BEST3: variants seen among roughly 807,000 people sequenced by gnomAD.
BEST3 encodes the protein bestrophin-3.
BEST3 carries 50 observed loss-of-function variants against 47.1 expected under a neutral mutation model. The ratio of observed to expected loss-of-function variants is 1.06; its 90% confidence interval spans 0.85 to 1.34. The LOEUF is 1.34. Ranked by LOEUF, BEST3 falls within the 40% of genes most tolerant of loss-of-function variation. BEST3 has a pLI of 0.00. For synonymous variants in BEST3, 282 were observed against 298.8 expected, an observed-to-expected ratio of 0.94 and a Z score of 0.58; for missense variants, 765 against 817.0, an observed-to-expected ratio of 0.94 and a Z score of 0.78.
downstream of BEST3, among the ~76,000 whole-genome samples, chr12:69,653,248 G>C (rs1979715): frequency 0.15 from 22,498 of 152,176 alleles, 2,146 homozygotes; most frequent in African/African-American, 0.27. Context: ...AAAAGACGCA[G>C]GTAGACTTGA....
chr12:69,643,900 AATGTAAT>A (rs1266036014), intron 9 of BEST3: 3 of 519,122 alleles, frequency 5.8e-6, no homozygotes, highest in Non-Finnish European at 1.1e-5. Context: ...CCACACATTT[AATGTAAT>A]TTCAGTGTTC....
intron 9 of BEST3, among the ~76,000 whole-genome samples, chr12:69,659,840 A>G (rs1401167831): frequency 6.6e-6 from 1 of 152,194 alleles, no homozygotes; most frequent in African/African-American, 2.4e-5. Flanking sequence ...ACGATAGAAT[A>G]AAAGTACCCT....
At chr12:69,697,516 C>A (rs1256938081) in intron 2 of BEST3, 131 bp downstream of exon 2, 4 of 666,804 alleles carry the variant, frequency 6.0e-6, no homozygotes, top group South Asian at 2.5e-5. Flanking sequence ...GGGAAGAAGA[C>A]AAATGAGAGG....
At chr12:69,667,482 G>C (rs1328522853) in intron 9 of BEST3, among the ~76,000 whole-genome samples, 1 of 152,066 alleles carries the variant, frequency 6.6e-6, no homozygotes, top group East Asian at 1.9e-4. Context: ...TTGTAGTAGA[G>C]ACTGGGTTTC....
chr12:69,670,441 C>A, intron 9 of BEST3: 1 of 702,698 alleles, frequency 1.4e-6, no homozygotes, highest in South Asian at 1.5e-5. Flanking sequence ...ACTGAAATTC[C>A]ACTTTCAGTC....
intron 9 of BEST3, among the ~76,000 whole-genome samples, chr12:69,663,267 A>T (rs1469663859): frequency 6.6e-6 from 1 of 152,214 alleles, no homozygotes; most frequent in Non-Finnish European, 1.5e-5. Context: ...ATAGTTCTGG[A>T]CCTTGATTTT....
At position 69,654,366 on chromosome 12, in the gene BEST3, T is replaced by A. The variant is rs1005858307; in HGVS notation, c.*541A>T. 1.0e-6 allele frequency: 1 copy of A among 984,788 alleles called. No homozygotes were observed. Among genetic ancestry groups the A allele is most frequent in the Non-Finnish European group, 1.2e-6 (1 of 829,642 alleles). 61.0% of individuals were successfully genotyped at this position (984,788 alleles called of 1,614,324 possible). A position where few individuals can be genotyped will look rare whatever the true frequency, so the allele number is the denominator to read the frequency against. ...CTGATGAAGCTTAAGAATCAGGAAGTGATAATAACAATAATAGTTATAAAA... is the reference window on the plus strand; with the variant it reads ...CTGATGAAGCTTAAGAATCAGGAAGAGATAATAACAATAATAGTTATAAAA... On this transcript the variant is annotated 3_prime_UTR_variant, in exon 10 of 10. Transcript: ENST00000330891.
intron 9 of BEST3, among the ~76,000 whole-genome samples, chr12:69,663,753 C>T (rs927520045): frequency 1.1e-4 from 16 of 152,060 alleles, no homozygotes; most frequent in African/African-American, 3.4e-4. Context: ...CCTAGGAGTT[C>T]GAGGCTGCAG....
intron 4 of BEST3, among the ~76,000 whole-genome samples, chr12:69,680,923 C>G (rs1018807268): frequency 7.1e-6 from 1 of 141,442 alleles, no homozygotes; most frequent in Non-Finnish European, 1.6e-5. Flanking sequence ...TGGCTGCTCT[C>G]TATATATTAA....
chr12:69,656,514 A>G (rs1294288018), intron 9 of BEST3, among the ~76,000 whole-genome samples: 2 of 152,058 alleles, frequency 1.3e-5, no homozygotes, highest in African/African-American at 4.8e-5. Flanking sequence ...CGAGCGTGCG[A>G]TGCCCAGCTC....
At chr12:69,673,765 A>AT (rs1461836275) in intron 7 of BEST3, among the ~76,000 whole-genome samples, 1 of 152,152 alleles carries the variant, frequency 6.6e-6, no homozygotes, top group East Asian at 1.9e-4. Context: ...GTTATTGAAC[A>AT]TAACTGCTAA....
At chr12:69,656,471 AC>A (rs1410232880) in intron 9 of BEST3, among the ~76,000 whole-genome samples, 2 of 150,330 alleles carry the variant, frequency 1.3e-5, no homozygotes, top group Admixed American at 6.7e-5. Context: ...GACCCATAAA[AC>A]CCCCCTTAAC....
chr12:69,659,248 A>C (rs990988412), intron 9 of BEST3, among the ~76,000 whole-genome samples: 4 of 152,164 alleles, frequency 2.6e-5, no homozygotes, highest in Non-Finnish European at 5.9e-5. Context: ...GGAAGATCTC[A>C]TTGCCAACAC....
chr12:69,652,817 C>T (rs1883252204), downstream of BEST3, among the ~76,000 whole-genome samples: 1 of 152,116 alleles, frequency 6.6e-6, no homozygotes, highest in African/African-American at 2.4e-5. Context: ...AATTGAAATA[C>T]CCAAGAAAAT....
intron 9 of BEST3, among the ~76,000 whole-genome samples, chr12:69,663,160 C>T (rs901306381): frequency 6.6e-6 from 1 of 151,992 alleles, no homozygotes; most frequent in African/African-American, 2.4e-5. Flanking sequence ...ATGGGTAATC[C>T]CAAGTAATTG....
chr12:69,680,767 A>G (rs1885211833), intron 4 of BEST3, among the ~76,000 whole-genome samples: 1 of 152,166 alleles, frequency 6.6e-6, no homozygotes, highest in Non-Finnish European at 1.5e-5. Flanking sequence ...CTTTCCAGAG[A>G]AATCTCATGG....
chr12:69,660,886 C>G (rs1262904675), intron 9 of BEST3: 1 of 152,082 alleles, frequency 6.6e-6, no homozygotes, highest in Non-Finnish European at 1.5e-5. Flanking sequence ...AATAAAAAAC[C>G]CAAATTTCAA....
intron 8 of BEST3, among the ~76,000 whole-genome samples, 188 bp from the exon 9 acceptor site, chr12:69,671,767 C>T (rs913654602): frequency 2.0e-5 from 3 of 152,116 alleles, no homozygotes; most frequent in Non-Finnish European, 2.9e-5. Flanking sequence ...GTTTACTACT[C>T]GAGAGCACTT....
intron 4 of BEST3, 148 bp from the exon 5 acceptor site, chr12:69,679,041 G>T: frequency 1.4e-6 from 1 of 698,548 alleles, no homozygotes; most frequent in Non-Finnish European, 2.3e-6. Context: ...GTTTATACTT[G>T]CATTAGAGTT....
Sources: allele counts gnomAD v4.1 joint callset (sites outside exome capture counted in the v4.1 genomes callset), GRCh38; gene constraint gnomAD v4.1.1; transcripts MANE v1.5; gene names NCBI Gene and HGNC (gene_info 2026-07-23, HGNC 2026-07-21).